The following PAX7 variants were observed in gnomAD, a reference collection of about 807,000 sequenced individuals.
The protein encoded by PAX7 is paired box 7.
PAX7 carries 18 observed loss-of-function variants against 50.7 expected under a neutral mutation model. The ratio of observed to expected loss-of-function variants is 0.36; its 90% CI spans 0.25 to 0.53. The LOEUF is 0.53. Ranked by LOEUF, PAX7 falls within the 20% of genes least tolerant of loss-of-function variation. The pLI, the probability that PAX7 is intolerant of heterozygous loss-of-function variation, is 0.93. For synonymous variants in PAX7, 310 were observed against 290.4 expected (o/e 1.07, Z -0.69); for missense variants, 644 against 702.9 (o/e 0.92, Z 0.95).
At chr1:18,699,991 C>G (rs528876500) in intron 5 of PAX7, among the ~76,000 whole-genome samples, 3 of 151,882 alleles carry the variant, frequency 2.0e-5, no homozygotes, top group Admixed American at 1.3e-4. Context: ...TCTCATGGGT[C>G]TATGTATGGA....
intron 7 of PAX7, among the ~76,000 whole-genome samples, chr1:18,731,083 A>G (rs1297560491): frequency 2.0e-5 from 3 of 152,196 alleles, no homozygotes; most frequent in Admixed American, 6.5e-5. Flanking sequence ...GAAGTAATAC[A>G]TTAGTGAAAG....
chr1:18,718,591 C>T lies in PAX7; in HGVS notation c.1155+15295C>T, dbSNP rs2089456828. Among the ~76,000 whole-genome samples, 3 of 151,780 alleles carry T rather than the reference C, an allele frequency of 2.0e-5. No homozygotes were observed. In the South Asian group the frequency reaches 6.3e-4, roughly 32 times the overall value. On this transcript the variant is annotated intron_variant, in intron 7 of 8. Transcript: ENST00000420770. ...GGGATCTGTTGAAGGCCTCCCTAACCTCAGTGCACCTGGGGGTCCCTGTGC... is the reference window on the plus strand; with the variant it reads ...GGGATCTGTTGAAGGCCTCCCTAACTTCAGTGCACCTGGGGGTCCCTGTGC...
chr1:18,639,306 G>A (rs1168550710), intron 4 of PAX7, among the ~76,000 whole-genome samples: 3 of 152,080 alleles, frequency 2.0e-5, no homozygotes, highest in Admixed American at 6.5e-5. Flanking sequence ...TTTTAAAGCA[G>A]ATTAAATTGA....
intron 4 of PAX7, among the ~76,000 whole-genome samples, chr1:18,654,419 T>A (rs2088481383): frequency 6.6e-6 from 1 of 152,314 alleles, no homozygotes; most frequent in Admixed American, 6.5e-5. Flanking sequence ...CCCAGCTGCA[T>A]GCTGAACCCA....
intron 7 of PAX7, among the ~76,000 whole-genome samples, chr1:18,722,515 T>C (rs2089507245): frequency 6.6e-6 from 1 of 152,146 alleles, no homozygotes; most frequent in Non-Finnish European, 1.5e-5. Context: ...TTATCCTCGA[T>C]AAGTGGATTA....
rs1031046261 is a variant in PAX7, at chr1:18,731,757, C to T, written c.1156-3875C>T. On this transcript the variant is annotated intron_variant, in intron 7 of 8. Coordinates refer to ENST00000420770, the MANE Select transcript of PAX7 (RefSeq NM_001135254.2). ...GCAGCACATCCTCCATTCACACCCT[C>T]CCCAGATGTGGATTTGATTTGATGT... Among the ~76,000 whole-genome samples the T allele has an allele frequency of 1.3e-5, 2 of 152,092 alleles. 1 individual carries two copies. The highest frequency in any genetic ancestry group is 2.9e-5 in the Non-Finnish European group (2 of 68,012).
intron 5 of PAX7, among the ~76,000 whole-genome samples, chr1:18,692,521 G>T (rs2100298338): frequency 6.8e-6 from 1 of 147,838 alleles, no homozygotes; most frequent in East Asian, 2.1e-4. Flanking sequence ...CAGCCTGGGT[G>T]ACAGAGCGAG....
At chr1:18,663,380 G>A (rs1376565920) in intron 4 of PAX7, among the ~76,000 whole-genome samples, 1 of 152,154 alleles carries the variant, frequency 6.6e-6, no homozygotes, top group African/African-American at 2.4e-5. Flanking sequence ...GGTTTGTTTT[G>A]TTTTGTTCTG....
At chr1:18,669,954 C>T (rs1268523377) in intron 4 of PAX7, among the ~76,000 whole-genome samples, 1 of 152,014 alleles carries the variant, frequency 6.6e-6, no homozygotes, top group East Asian at 1.9e-4. Context: ...CGTGGTGGCA[C>T]GTGCCTGTAG....
intron 4 of PAX7, among the ~76,000 whole-genome samples, chr1:18,656,464 C>CA (rs2100468057): frequency 6.6e-6 from 1 of 152,258 alleles, no homozygotes; most frequent in East Asian, 1.9e-4. Flanking sequence ...ACCGCCACTG[C>CA]ACTGCAGCCT....
At chr1:18,713,958 C>T (rs2089386342) in intron 7 of PAX7, among the ~76,000 whole-genome samples, 2 of 152,204 alleles carry the variant, frequency 1.3e-5, no homozygotes, top group South Asian at 4.1e-4. Context: ...TGCCTGTAAT[C>T]CCAGCACTTT....
chr1:18,678,082 A>G (rs1321978577), intron 4 of PAX7, among the ~76,000 whole-genome samples: 4 of 5,712 alleles, frequency 7.0e-4, no homozygotes, highest in Non-Finnish European at 3.3e-3. Context: ...ACTCCGTCTG[A>G]AAAAAAAAAA....
chr1:18,655,426 A>G (rs1362205970), intron 4 of PAX7, among the ~76,000 whole-genome samples: 1 of 152,172 alleles, frequency 6.6e-6, no homozygotes, highest in Non-Finnish European at 1.5e-5. Context: ...AAGGGGGCCA[A>G]CCGGGATGAG....
intron 4 of PAX7, among the ~76,000 whole-genome samples, chr1:18,664,481 C>T (rs532392296): frequency 7.2e-5 from 11 of 152,292 alleles, no homozygotes; most frequent in South Asian, 6.2e-4. Flanking sequence ...GGCAGCCACA[C>T]GAAAGTCCAG....
Position 18,635,151 on chromosome 1 carries a change from A to G in PAX7, c.362A>G (p.Tyr121Cys), listed in dbSNP as rs371257583. 2.5e-6 allele frequency: 4 copies of G among 1,614,024 alleles called. No individual in the cohort carries two copies. The highest frequency in any genetic ancestry group is 2.5e-6 in the Non-Finnish European group (3 of 1,179,928). Residue 121 changes from tyrosine (Y) to cysteine (C), a missense_variant, in exon 3 of 9, where the codon TAC (tyrosine) becomes TGC (cysteine). Transcript: ENST00000420770. ...TPDVEKKIEEYKRENPGMFSW... is the reference protein window; with the variant it reads ...TPDVEKKIEECKRENPGMFSW... ...GATGTAGAGAAAAAGATTGAGGAGT[A>G]CAAGAGGGAAAACCCAGGCATGTTC...
chr1:18,712,975 G>A (rs372071960), intron 7 of PAX7, among the ~76,000 whole-genome samples: 1 of 152,162 alleles, frequency 6.6e-6, no homozygotes, highest in Admixed American at 6.5e-5. Context: ...CCAGCTACTT[G>A]GGAGGCTGAG....
chr1:18,635,368 G>C (rs2088134091), intron 3 of PAX7, 128 bp downstream of exon 3: 2 of 1,106,450 alleles, frequency 1.8e-6, no homozygotes, highest in Admixed American at 2.7e-5. Flanking sequence ...AAGTTGGGAG[G>C]AAAGGAGTAC....
intron 4 of PAX7, among the ~76,000 whole-genome samples, chr1:18,689,758 C>A (rs1181073828): frequency 6.6e-6 from 1 of 152,214 alleles, no homozygotes; most frequent in Non-Finnish European, 1.5e-5. Context: ...ATTAAATTAC[C>A]CAGCATGCCT....
chr1:18,744,712 G>A (rs866572354), intron 8 of PAX7, 102 bp from the exon 9 acceptor site: 38 of 681,076 alleles, frequency 5.6e-5, no homozygotes, highest in African/African-American at 2.5e-4. Flanking sequence ...ATGGATGGAT[G>A]GATGGATGGA....
Sources: gnomAD v4.1 joint callset for allele counts (sites outside exome capture counted in the v4.1 genomes callset) on GRCh38, gnomAD v4.1.1 for gene constraint, MANE v1.5 for transcripts, NCBI Gene and HGNC (gene_info 2026-07-23, HGNC 2026-07-21) for gene names.